Variants in RBFOX1 observed in about 807,000 individuals in gnomAD.
RBFOX1 encodes the protein RNA binding fox-1 homolog 1, also known as RNA binding protein fox-1 homolog 1.
RBFOX1 carries 8 observed loss-of-function variants against 57.7 expected under a neutral mutation model. The ratio of observed to expected loss-of-function variants is 0.14; its 90% CI spans 0.08 to 0.25. The LOEUF (loss-of-function observed/expected upper bound fraction) is 0.25. Ranked by LOEUF, RBFOX1 falls within the 10% of genes least tolerant of loss-of-function variation. The probability of loss-of-function intolerance (pLI) is 1.00; values close to 1 mark genes in which losing one functional copy is unlikely to be tolerated. For missense variants in RBFOX1, 611 were observed against 548.5 expected (o/e 1.11, Z -1.14); for synonymous variants, 326 against 222.4 (o/e 1.47, Z -4.15).
chr16:7,043,642 T>G (rs1174824272), intron 3 of RBFOX1, among the ~76,000 whole-genome samples: 1 of 152,248 alleles, frequency 6.6e-6, no homozygotes, highest in Non-Finnish European at 1.5e-5. Context: ...TTCTAAGTGA[T>G]TCATAATTGT....
At chr16:5,541,712 C>A (rs2044960655) in intron 2 of RBFOX1, among the ~76,000 whole-genome samples, 1 of 152,104 alleles carries the variant, frequency 6.6e-6, no homozygotes, top group African/African-American at 2.4e-5. Flanking sequence ...ATTTATTTTC[C>A]TTTCACAGTA....
chr16:6,133,097 T>C (rs1195650942), intron 1 of RBFOX1, among the ~76,000 whole-genome samples: 5 of 152,106 alleles, frequency 3.3e-5, no homozygotes. Flanking sequence ...CTCCATGTCA[T>C]TTTAAAAATG....
At chr16:6,281,846 C>T (rs1318752213) in intron 1 of RBFOX1, among the ~76,000 whole-genome samples, 2 of 152,114 alleles carry the variant, frequency 1.3e-5, no homozygotes, top group Non-Finnish European at 2.9e-5. Flanking sequence ...CAAAATCCCG[C>T]TGCCACTCTG....
rs117509835 is a variant in RBFOX1, at chr16:7,314,784, C to T, written c.28-203363C>T. Among the ~76,000 whole-genome samples the T allele has an allele frequency of 5.3e-5, 8 of 152,228 alleles. No individual in the cohort carries two copies. In the East Asian group the frequency reaches 5.8e-4, roughly 11 times the overall value. On this transcript the variant is annotated intron_variant, in intron 4 of 15. Transcript: ENST00000550418. ...TGTAAGCCGAATCACCATTTGTTCA[C>T]GATAAGTCAACAGGAGCTTGATGTG... is the stretch of plus-strand genomic sequence containing the variant.
intron 3 of RBFOX1, among the ~76,000 whole-genome samples, chr16:6,969,154 G>T (rs1042044492): frequency 1.3e-5 from 2 of 152,058 alleles, no homozygotes; most frequent in East Asian, 3.9e-4. Context: ...TTAGCTGTCT[G>T]TCCCCAAAAT....
intron 4 of RBFOX1, among the ~76,000 whole-genome samples, chr16:5,949,622 T>C (rs2059479167): frequency 6.6e-6 from 1 of 152,078 alleles, no homozygotes; most frequent in East Asian, 1.9e-4. Flanking sequence ...TGTTGTAGCA[T>C]GGGTCACCCA....
intron 2 of RBFOX1, among the ~76,000 whole-genome samples, chr16:6,631,932 T>C (rs912012124): frequency 3.8e-4 from 58 of 152,144 alleles, no homozygotes; most frequent in African/African-American, 1.4e-3. Context: ...GAGAGGTCAG[T>C]AGCGAAATGG....
chr16:7,329,880 T>C (rs546611142), intron 4 of RBFOX1, among the ~76,000 whole-genome samples: 1 of 152,188 alleles, frequency 6.6e-6, no homozygotes, highest in African/African-American at 2.4e-5. Context: ...ATATCTCTTA[T>C]TTCTATCCTA....
At chr16:6,254,075 C>T (rs1002381194) in intron 1 of RBFOX1, among the ~76,000 whole-genome samples, 4 of 152,106 alleles carry the variant, frequency 2.6e-5, no homozygotes, top group African/African-American at 7.2e-5. Flanking sequence ...GACAAACTTA[C>T]GATCAAGGAA....
chr16:6,202,458 G>A (rs556101347), intron 1 of RBFOX1, among the ~76,000 whole-genome samples: 1 of 151,958 alleles, frequency 6.6e-6, no homozygotes, highest in South Asian at 2.1e-4. Context: ...CCGAGGCTTG[G>A]AGGGAAAAAA....
intron 4 of RBFOX1, among the ~76,000 whole-genome samples, chr16:6,006,119 T>C (rs906103883): frequency 6.6e-6 from 1 of 152,258 alleles, no homozygotes; most frequent in African/African-American, 2.4e-5. Flanking sequence ...TTGTGTTGTA[T>C]TGCCTAATTA....
intron 3 of RBFOX1, among the ~76,000 whole-genome samples, chr16:6,988,828 A>G (rs185502989): frequency 1.1e-3 from 162 of 150,798 alleles, no homozygotes; most frequent in Non-Finnish European, 1.7e-3. Flanking sequence ...CTGGAGTGCA[A>G]TGGCATAATC....
chr16:7,585,179 T>G (rs745387049), intron 6 of RBFOX1, among the ~76,000 whole-genome samples: 2 of 152,182 alleles, frequency 1.3e-5, no homozygotes, highest in African/African-American at 2.4e-5. Flanking sequence ...GGGTGGTTGG[T>G]ATCAAAATTA....
intron 4 of RBFOX1, among the ~76,000 whole-genome samples, chr16:7,144,422 T>C (rs1477239923): frequency 1.5e-4 from 20 of 137,576 alleles, no homozygotes; most frequent in Non-Finnish European, 2.7e-4. Context: ...TTCTTCTTTT[T>C]TTTTTTTTTT....
chr16:6,773,950 C>A, intron 3 of RBFOX1: 1 of 985,254 alleles, frequency 1.0e-6, no homozygotes. Context: ...TGTGTGCACA[C>A]GCACATGGTT....
intron 3 of RBFOX1, among the ~76,000 whole-genome samples, chr16:5,656,381 C>G (rs552909657): frequency 5.3e-5 from 8 of 152,226 alleles, no homozygotes; most frequent in African/African-American, 1.9e-4. Flanking sequence ...TCTTGCAACT[C>G]TCTCACATTC....
intron 11 of RBFOX1, among the ~76,000 whole-genome samples, chr16:7,637,835 G>A (rs942647369): frequency 6.6e-6 from 1 of 152,076 alleles, no homozygotes; most frequent in Admixed American, 6.5e-5. Context: ...AAGATTAAAG[G>A]GGTATCCAAA....
At chr16:5,335,270 C>T (rs969282537) in intron 1 of RBFOX1, among the ~76,000 whole-genome samples, 3 of 152,182 alleles carry the variant, frequency 2.0e-5, no homozygotes, top group African/African-American at 7.2e-5. Context: ...CCTTTTGGTT[C>T]ATTCATTGCA....
At chr16:6,279,416 G>C (rs1300479547) in intron 1 of RBFOX1, among the ~76,000 whole-genome samples, 1 of 152,206 alleles carries the variant, frequency 6.6e-6, no homozygotes, top group Non-Finnish European at 1.5e-5. Context: ...AAATGAGTAA[G>C]TCTTTGACAA....
Sources: allele counts gnomAD v4.1 joint callset (sites outside exome capture counted in the v4.1 genomes callset), GRCh38; gene constraint gnomAD v4.1.1; transcripts MANE v1.5; gene names NCBI Gene and HGNC (gene_info 2026-07-23, HGNC 2026-07-21).